SGCZ: variants seen among roughly 807,000 people sequenced by gnomAD.
SGCZ encodes the protein sarcoglycan zeta, also known as zeta-sarcoglycan.
A neutral mutation model predicts 41.3 loss-of-function variants in SGCZ; 40 were observed. The observed-to-expected ratio is 0.97, with a 90% CI of 0.75 to 1.26. The LOEUF (loss-of-function observed/expected upper bound fraction) is 1.26, where lower values mean the gene tolerates loss of function less well. Among genes scored for constraint, SGCZ ranks in the 50% most tolerant of loss-of-function variants. The pLI, the probability that SGCZ is intolerant of heterozygous loss-of-function variation, is 0.00. For synonymous variants in SGCZ, 206 were observed against 137.5 expected, an observed-to-expected ratio of 1.50 and a Z score of -3.49; for missense variants, 552 against 369.8, an observed-to-expected ratio of 1.49 and a Z score of -4.04.
intron 1 of SGCZ, among the ~76,000 whole-genome samples, chr8:14,685,493 T>C (rs1304163753): frequency 2.6e-5 from 4 of 152,106 alleles, no homozygotes; most frequent in African/African-American, 9.7e-5. Flanking sequence ...TATATGACAA[T>C]CTCAATTTAC....
intron 1 of SGCZ, among the ~76,000 whole-genome samples, chr8:15,060,475 C>T (rs1804882226): frequency 1.5e-5 from 2 of 131,312 alleles, no homozygotes; most frequent in Non-Finnish European, 3.0e-5. Flanking sequence ...ACAATGAGAA[C>T]ACTTGGACAT....
intron 1 of SGCZ, among the ~76,000 whole-genome samples, chr8:14,982,344 T>A (rs182715841): frequency 3.3e-5 from 5 of 152,314 alleles, no homozygotes; most frequent in African/African-American, 7.2e-5. Context: ...AATACTTGCT[T>A]TATGATTCGT....
At chr8:14,373,928 G>A (rs1416410953) in intron 2 of SGCZ, among the ~76,000 whole-genome samples, 5 of 152,024 alleles carry the variant, frequency 3.3e-5, no homozygotes, top group East Asian at 3.9e-4. Flanking sequence ...CATGGCACAC[G>A]TTTACCTATG....
chr8:15,110,038 A>G (rs1353302711), intron 1 of SGCZ, among the ~76,000 whole-genome samples: 3 of 152,172 alleles, frequency 2.0e-5, no homozygotes, highest in Non-Finnish European at 4.4e-5. Context: ...GGACATTTTC[A>G]TTAGTTAATT....
At chr8:14,818,355 T>C (rs753625650) in intron 1 of SGCZ, among the ~76,000 whole-genome samples, 2 of 152,172 alleles carry the variant, frequency 1.3e-5, no homozygotes, top group Non-Finnish European at 2.9e-5. Context: ...CTGAGGCAAT[T>C]GCAGACATTG....
intron 2 of SGCZ, among the ~76,000 whole-genome samples, chr8:14,427,829 T>A (rs1302965627): frequency 6.6e-6 from 1 of 152,094 alleles, no homozygotes; most frequent in Non-Finnish European, 1.5e-5. Flanking sequence ...TACTCATGGG[T>A]TCAGCAGATT....
chr8:14,375,484 C>T lies in SGCZ; in HGVS notation c.235-51280G>A, dbSNP rs1015396798. On this transcript the variant is annotated intron_variant, in intron 2 of 7. Coordinates refer to ENST00000382080, the MANE Select transcript of SGCZ (RefSeq NM_139167.4). ...TTTAGATCTTTATAATATATTAGGT[C>T]ACAAAGAAAGCATAAGTAGCATAAA... 2.6e-5 allele frequency among the ~76,000 whole-genome samples: 4 copies of T among 151,958 alleles called. 1 individual carries two copies. Among genetic ancestry groups the T allele is most frequent in the African/African-American group, 9.7e-5 (4 of 41,348 alleles).
chr8:14,592,715 T>G (rs1805279261), intron 1 of SGCZ, among the ~76,000 whole-genome samples: 1 of 152,338 alleles, frequency 6.6e-6, no homozygotes, highest in Non-Finnish European at 1.5e-5. Context: ...AAATTTCATT[T>G]TATGTGACAT....
At chr8:14,520,375 C>G (rs1802752500) in intron 2 of SGCZ, among the ~76,000 whole-genome samples, 1 of 152,080 alleles carries the variant, frequency 6.6e-6, no homozygotes, top group Non-Finnish European at 1.5e-5. Flanking sequence ...CCCAGTAAAA[C>G]TTGGGCATGT....
At chr8:14,723,152 T>C (rs1292083574) in intron 1 of SGCZ, among the ~76,000 whole-genome samples, 1 of 152,174 alleles carries the variant, frequency 6.6e-6, no homozygotes, top group South Asian at 2.1e-4. Flanking sequence ...ACCAGGGAAG[T>C]GCCACTCCCA....
At chr8:15,211,515 G>C (rs183906271) in intron 1 of SGCZ, among the ~76,000 whole-genome samples, 11 of 152,106 alleles carry the variant, frequency 7.2e-5, no homozygotes, top group South Asian at 2.1e-4. Context: ...TGCCTCCAAT[G>C]CAACAGTCAA....
chr8:14,343,254 C>G (rs62497814), intron 2 of SGCZ, among the ~76,000 whole-genome samples: 29,622 of 152,176 alleles, frequency 0.19, 3,618 homozygotes, highest in Non-Finnish European at 0.28. Context: ...TCAGAGCCCC[C>G]ACACAGAGTT....
At chr8:14,818,829 A>C (rs1801982331) in intron 1 of SGCZ, among the ~76,000 whole-genome samples, 1 of 152,054 alleles carries the variant, frequency 6.6e-6, no homozygotes, top group Admixed American at 6.6e-5. Flanking sequence ...AGCAGAAGAT[A>C]GAATTTCTGA....
At chr8:14,423,631 C>G (rs967857767) in intron 2 of SGCZ, among the ~76,000 whole-genome samples, 7 of 152,102 alleles carry the variant, frequency 4.6e-5, no homozygotes, top group Non-Finnish European at 5.9e-5. Flanking sequence ...TCAGGTTGGT[C>G]GCGAACTCCT....
At chr8:14,565,531 T>A (rs1001612859) in intron 1 of SGCZ, among the ~76,000 whole-genome samples, 4 of 151,982 alleles carry the variant, frequency 2.6e-5, no homozygotes, top group Non-Finnish European at 5.9e-5. Context: ...TACACTAAAA[T>A]TGCAAGCATG....
chr8:15,094,115 T>C lies in SGCZ; in HGVS notation c.39+143470A>G, dbSNP rs73205451. On this transcript the variant is annotated intron_variant, in intron 1 of 7. Transcript: ENST00000382080. ...GGGATGGAGAGTGATACGGCAGTTG[T>C]TTTATTTATTTATGGTTTTTTTTAA... Among the ~76,000 whole-genome samples the C allele has an allele frequency of 2.0e-5, 3 of 151,976 alleles. No individual in the cohort carries two copies. The East Asian group carries it at 5.8e-4, about 29-fold the overall frequency.
Position 14,744,317 on chromosome 8 carries a change from A to G in SGCZ, c.40-189391T>C, listed in dbSNP as rs1038254480. 2.6e-5 allele frequency among the ~76,000 whole-genome samples: 4 copies of G among 152,274 alleles called. No homozygotes were observed. The East Asian group carries it at 7.7e-4, about 29-fold the overall frequency. On this transcript the variant is annotated intron_variant, in intron 1 of 7. Transcript: ENST00000382080. ...GTGCCTATATTATTCTAAAAAGTAC[A>G]GCTGATCCTTCTGTTTGGGCCAACA...
intron 1 of SGCZ, among the ~76,000 whole-genome samples, chr8:14,926,024 A>G (rs1799737340): frequency 6.6e-6 from 1 of 152,218 alleles, no homozygotes; most frequent in Non-Finnish European, 1.5e-5. Context: ...TGAGTCTTAA[A>G]GTTAACTATG....
intron 2 of SGCZ, among the ~76,000 whole-genome samples, chr8:14,381,095 A>G (rs1223326383): frequency 1.3e-5 from 2 of 152,160 alleles, no homozygotes; most frequent in Non-Finnish European, 2.9e-5. Flanking sequence ...AAAGTAGTAA[A>G]AAAAAAATAC....
Sources: allele counts gnomAD v4.1 joint callset (sites outside exome capture counted in the v4.1 genomes callset), GRCh38; gene constraint gnomAD v4.1.1; transcripts MANE v1.5; gene names NCBI Gene and HGNC (gene_info 2026-07-23, HGNC 2026-07-21).